The following WDR59 variants were observed in gnomAD, a reference collection of about 807,000 sequenced individuals.
The protein encoded by WDR59 is WD repeat domain 59.
A neutral mutation model predicts 131.2 loss-of-function variants in WDR59; 100 were observed. The ratio of observed to expected loss-of-function variants is 0.76; its 90% CI spans 0.65 to 0.90. The LOEUF (loss-of-function observed/expected upper bound fraction) is 0.90. Among genes scored for constraint, WDR59 ranks in the 40% least tolerant of loss-of-function variants. The probability of loss-of-function intolerance (pLI) is 0.00; values close to 1 mark genes in which losing one functional copy is unlikely to be tolerated. For synonymous variants in WDR59, 601 were observed against 466.2 expected (o/e 1.29, Z -3.72); for missense variants, 1,203 against 1,262.2 (o/e 0.95, Z 0.71).
At chr16:74,946,477 T>C (rs2032647312) in intron 6 of WDR59, among the ~76,000 whole-genome samples, 1 of 152,064 alleles carries the variant, frequency 6.6e-6, no homozygotes, top group Non-Finnish European at 1.5e-5. Flanking sequence ...ATCCCAACAC[T>C]TTAGGAGGCC....
chr16:74,877,043 C>A (rs1466842301), intron 25 of WDR59, among the ~76,000 whole-genome samples: 1 of 151,834 alleles, frequency 6.6e-6, no homozygotes, highest in South Asian at 2.1e-4. Context: ...AAAGCAGATA[C>A]CACTTGCAAG....
chr16:74,908,858 C>T, intron 17 of WDR59, 50 bp downstream of exon 17: 1 of 1,550,346 alleles, frequency 6.5e-7, no homozygotes. Flanking sequence ...GGTCTCTGGC[C>T]ACTTCTGGCC....
intron 1 of WDR59, among the ~76,000 whole-genome samples, chr16:74,974,845 T>C (rs1477701927): frequency 6.6e-6 from 1 of 152,212 alleles, no homozygotes; most frequent in Non-Finnish European, 1.5e-5. Context: ...GAATTAAGCA[T>C]ATACTGTGTG....
At chr16:74,893,013 T>C (rs1965119102) in intron 19 of WDR59, among the ~76,000 whole-genome samples, 1 of 152,208 alleles carries the variant, frequency 6.6e-6, no homozygotes, top group South Asian at 2.1e-4. Flanking sequence ...GAACTACAGG[T>C]GGCCTCTGCA....
At chr16:74,956,047 T>C (rs2033273900) in intron 3 of WDR59, among the ~76,000 whole-genome samples, 1 of 152,178 alleles carries the variant, frequency 6.6e-6, no homozygotes, top group Non-Finnish European at 1.5e-5. Context: ...AATCCCTTCC[T>C]TTGAATAGAA....
chr16:74,911,093 A>G lies in WDR59; in HGVS notation c.1389+1105T>C, dbSNP rs1287822081. Reference sequence around the variant, plus strand: ...TGCCCAGGCTGGTCTTGAACTCCTGACCTCAGGTGATCCACCCGCCTCAGC... The same window carrying G: ...TGCCCAGGCTGGTCTTGAACTCCTGGCCTCAGGTGATCCACCCGCCTCAGC... On this transcript the variant is annotated intron_variant, in intron 14 of 25. Coordinates refer to ENST00000262144, the MANE Select transcript of WDR59 (RefSeq NM_030581.4). 2.6e-5 allele frequency among the ~76,000 whole-genome samples: 4 copies of G among 152,094 alleles called. No homozygotes were observed. The East Asian group carries it at 7.7e-4, about 29-fold the overall frequency.
At chr16:74,948,704 TAAAG>T (rs756825910) in intron 5 of WDR59, 148 bp from the exon 6 acceptor site, 8 of 717,900 alleles carry the variant, frequency 1.1e-5, no homozygotes, top group Non-Finnish European at 2.0e-5. Flanking sequence ...AAAAGAAGTC[TAAAG>T]AGAGACCTGC....
chr16:74,972,144 ACTG>A (rs1205535229), intron 1 of WDR59, among the ~76,000 whole-genome samples: 9 of 152,212 alleles, frequency 5.9e-5, no homozygotes, highest in Non-Finnish European at 1.2e-4. Flanking sequence ...TGTTCCTTCA[ACTG>A]CAAAGAAGGA....
intron 10 of WDR59, among the ~76,000 whole-genome samples, chr16:74,919,353 T>C (rs1481368258): frequency 3.9e-5 from 6 of 151,908 alleles, no homozygotes. Context: ...TATTTTGAGA[T>C]AGGGTCTCAC....
intron 25 of WDR59, among the ~76,000 whole-genome samples, chr16:74,878,290 T>C (rs1964314779): frequency 6.6e-6 from 1 of 152,272 alleles, no homozygotes; most frequent in South Asian, 2.1e-4. Flanking sequence ...AGGATACTCA[T>C]ATCTATTACA....
At chr16:74,936,695 G>A (rs763917604) in intron 8 of WDR59, among the ~76,000 whole-genome samples, 6 of 152,058 alleles carry the variant, frequency 3.9e-5, no homozygotes, top group Admixed American at 6.6e-5. Flanking sequence ...GCATGATGGC[G>A]TGCATCTGTA....
At chr16:74,915,660 G>C in intron 13 of WDR59, 1 of 518,172 alleles carries the variant, frequency 1.9e-6, no homozygotes, top group Non-Finnish European at 3.3e-6. Flanking sequence ...CTGGTTTCAA[G>C]TGATCTGTCC....
Position 74,956,601 on chromosome 16 carries a change from G to C in WDR59, c.114C>G (p.Phe38Leu). 6.2e-7 allele frequency: 1 copy of C among 1,613,936 alleles called. No individual in the cohort carries two copies. Residue 38 changes from phenylalanine (F) to leucine (L), a missense_variant, in exon 3 of 26, where the codon TTC becomes TTG. Coordinates refer to ENST00000262144, the MANE Select transcript of WDR59 (RefSeq NM_030581.4). ...GGGCATCTAGATTGACGATGTATAAGAATCTGCGGCTAGAGACCAACATCA... is the reference window on the plus strand; with the variant it reads ...GGGCATCTAGATTGACGATGTATAACAATCTGCGGCTAGAGACCAACATCA... Reference protein sequence around the residue: ...GQHAVLSGRRFLYIVNLDAPF... With the variant: ...GQHAVLSGRRLLYIVNLDAPF...
At chr16:74,885,475 A>AAAAAAT in intron 25 of WDR59, among the ~76,000 whole-genome samples, 178 bp downstream of exon 25, 1 of 148,496 alleles carries the variant, frequency 6.7e-6, no homozygotes, top group Non-Finnish European at 1.5e-5. Flanking sequence ...AAAAAAAAAA[A>AAAAAAT]TTCATCCTGT....
chr16:74,948,706 A>C, intron 5 of WDR59, 150 bp from the exon 6 acceptor site: 1 of 710,656 alleles, frequency 1.4e-6, no homozygotes, highest in Non-Finnish European at 2.5e-6. Flanking sequence ...AAGAAGTCTA[A>C]AGAGAGACCT....
chr16:74,944,397 G>A (rs562693416), intron 6 of WDR59, among the ~76,000 whole-genome samples: 1 of 151,336 alleles, frequency 6.6e-6, no homozygotes, highest in South Asian at 2.1e-4. Flanking sequence ...ACCTAGTAGG[G>A]GGAGGTTGCA....
rs1964400644 is a variant in WDR59, at chr16:74,879,988, C to A, written c.2690-5544G>T. On this transcript the variant is annotated intron_variant, in intron 25 of 25. Coordinates refer to ENST00000262144, the MANE Select transcript of WDR59 (RefSeq NM_030581.4). ...ATCACTTGAAGCCAAGAATTTGAGA[C>A]CACAATGGACAACAAAGTGAGACTC... Among the ~76,000 whole-genome samples the A allele has an allele frequency of 2.6e-5, 4 of 151,436 alleles. No individual in the cohort carries two copies. In the South Asian group the frequency reaches 8.4e-4, roughly 32 times the overall value.
Position 74,984,086 on chromosome 16 carries a change from G to C in WDR59, c.54+878C>G, listed in dbSNP as rs576522627. On this transcript the variant is annotated intron_variant, in intron 1 of 25. Coordinates refer to ENST00000262144, the MANE Select transcript of WDR59 (RefSeq NM_030581.4). ...GAGGTCAGGAGTTCAAGACCAGCCTGACCAACAAGGTGAAACCCCGTCTCT... is the reference window on the plus strand; with the variant it reads ...GAGGTCAGGAGTTCAAGACCAGCCTCACCAACAAGGTGAAACCCCGTCTCT... Among the ~76,000 whole-genome samples the C allele has an allele frequency of 3.9e-4, 60 of 152,144 alleles. 1 individual carries two copies. Among genetic ancestry groups the C allele is most frequent in the South Asian group, 3.1e-3 (15 of 4,822 alleles).
At chr16:74,955,007 C>T (rs941930697) in intron 3 of WDR59, among the ~76,000 whole-genome samples, 3 of 152,064 alleles carry the variant, frequency 2.0e-5, no homozygotes, top group African/African-American at 4.8e-5. Flanking sequence ...GGGTTTTACC[C>T]GGGAGGGATA....
Sources: allele counts gnomAD v4.1 joint callset (sites outside exome capture counted in the v4.1 genomes callset), GRCh38; gene constraint gnomAD v4.1.1; transcripts MANE v1.5; gene names NCBI Gene and HGNC (gene_info 2026-07-23, HGNC 2026-07-21).